Variants in PTPRD observed in about 807,000 individuals in gnomAD.
PTPRD encodes receptor-type tyrosine-protein phosphatase delta.
A neutral mutation model predicts 214.5 loss-of-function variants in PTPRD; 34 were observed. The observed-to-expected ratio is 0.16, with a 90% CI of 0.12 to 0.21. The LOEUF (loss-of-function observed/expected upper bound fraction) is 0.21. Ranked by LOEUF, PTPRD falls within the 10% of genes least tolerant of loss-of-function variation. The pLI is 1.00. For missense variants in PTPRD, 2,545 were observed against 2,398.7 expected (o/e 1.06, Z -1.27); for synonymous variants, 1,128 against 845.7 (o/e 1.33, Z -5.79).
chr9:10,430,395 C>A (rs547097717), intron 2 of PTPRD, among the ~76,000 whole-genome samples: 1 of 151,822 alleles, frequency 6.6e-6, no homozygotes, highest in South Asian at 2.1e-4. Context: ...AATTACTTTA[C>A]GCGTGTGAGT....
intron 2 of PTPRD, among the ~76,000 whole-genome samples, chr9:10,454,108 GA>G (rs150951740): frequency 6.6e-6 from 1 of 151,246 alleles, no homozygotes; most frequent in Admixed American, 6.6e-5. Flanking sequence ...CTGTTTCTAT[GA>G]AAAAAATAGC....
intron 7 of PTPRD, among the ~76,000 whole-genome samples, chr9:9,730,623 T>A (rs2098172311): frequency 6.6e-6 from 1 of 152,084 alleles, no homozygotes; most frequent in Admixed American, 6.6e-5. Flanking sequence ...ACTACTCAAA[T>A]ATATGTAGAA....
intron 11 of PTPRD, among the ~76,000 whole-genome samples, chr9:8,910,949 A>G (rs1019446740): frequency 1.3e-5 from 2 of 152,212 alleles, no homozygotes; most frequent in Admixed American, 1.3e-4. Context: ...GATATTAAGA[A>G]CATATAAATT....
intron 8 of PTPRD, among the ~76,000 whole-genome samples, chr9:9,558,149 G>C (rs78671883): frequency 0.014 from 2,120 of 152,144 alleles, 12 homozygotes; most frequent in Non-Finnish European, 0.022. Context: ...GGGTGCCAGC[G>C]CGCCCACCAT....
At chr9:9,432,652 G>C (rs778608404) in intron 8 of PTPRD, among the ~76,000 whole-genome samples, 1 of 152,144 alleles carries the variant, frequency 6.6e-6, no homozygotes, top group Non-Finnish European at 1.5e-5. Context: ...AAAATGCTTT[G>C]TTCAAACAGA....
At chr9:8,579,562 T>C (rs915259079) in intron 14 of PTPRD, among the ~76,000 whole-genome samples, 75 of 152,300 alleles carry the variant, frequency 4.9e-4, no homozygotes, top group African/African-American at 1.7e-3. Flanking sequence ...AAACCCACAG[T>C]GCCTGTCATA....
At chr9:8,713,869 C>T in intron 12 of PTPRD, 1 of 1,177,146 alleles carries the variant, frequency 8.5e-7, no homozygotes, top group Non-Finnish European at 1.2e-6. Context: ...GGGTGCGCCC[C>T]AAATAAACTC....
chr9:9,377,189 T>C (rs966209499), intron 9 of PTPRD, among the ~76,000 whole-genome samples: 1 of 152,090 alleles, frequency 6.6e-6, no homozygotes, highest in Admixed American at 6.6e-5. Flanking sequence ...TGTATGCAAA[T>C]ACATGTCCAT....
chr9:10,390,111 CT>C (rs1305655943), intron 2 of PTPRD, among the ~76,000 whole-genome samples: 4 of 151,886 alleles, frequency 2.6e-5, no homozygotes, highest in Admixed American at 2.0e-4. Context: ...ATATTGTGTA[CT>C]GTAAGGACAC....
In PTPRD at chr9:9,872,012, T is replaced by C. The variant is rs1330146099; in HGVS notation, c.-368+66495A>G. On this transcript the variant is annotated intron_variant, in intron 5 of 45. Coordinates refer to ENST00000381196, the MANE Select transcript of PTPRD (RefSeq NM_002839.4). ...CTCACCACAAATTCAAGAGTAAGCATTAGTATCCTCCTGACTTGACAATAG... is the reference window on the plus strand; with the variant it reads ...CTCACCACAAATTCAAGAGTAAGCACTAGTATCCTCCTGACTTGACAATAG... Among the ~76,000 whole-genome samples the C allele has an allele frequency of 5.9e-5, 9 of 152,258 alleles. No homozygotes were observed. The East Asian group carries it at 1.7e-3, about 29-fold the overall frequency.
intron 9 of PTPRD, among the ~76,000 whole-genome samples, chr9:9,260,696 GAA>G (rs1357910148): frequency 6.6e-6 from 1 of 151,832 alleles, no homozygotes; most frequent in Admixed American, 6.6e-5. Context: ...GATAGACAAA[GAA>G]ATATTTATTG....
intron 4 of PTPRD, among the ~76,000 whole-genome samples, chr9:9,957,073 T>C (rs1168663747): frequency 1.3e-5 from 2 of 152,126 alleles, no homozygotes; most frequent in African/African-American, 2.4e-5. Flanking sequence ...ATGGAGAACA[T>C]ACAACTAATT....
chr9:9,486,126 G>T (rs1306110622), intron 8 of PTPRD, among the ~76,000 whole-genome samples: 1 of 109,976 alleles, frequency 9.1e-6, no homozygotes, highest in Non-Finnish European at 1.7e-5. Flanking sequence ...ACTCCAGTCT[G>T]GGCAACAGAG....
intron 2 of PTPRD, among the ~76,000 whole-genome samples, chr9:10,404,354 A>G (rs982048673): frequency 2.6e-5 from 4 of 151,768 alleles, no homozygotes; most frequent in African/African-American, 9.7e-5. Flanking sequence ...TTTGAGAGAA[A>G]GTTCAAAACT....
intron 11 of PTPRD, among the ~76,000 whole-genome samples, chr9:8,970,114 T>A (rs1450892824): frequency 1.3e-5 from 2 of 151,942 alleles, no homozygotes; most frequent in African/African-American, 4.8e-5. Flanking sequence ...GTGTTCAGTT[T>A]ATAACTAGAA....
chr9:8,751,431 A>AT (rs2093522194), intron 11 of PTPRD, among the ~76,000 whole-genome samples: 2 of 151,274 alleles, frequency 1.3e-5, no homozygotes, highest in African/African-American at 4.9e-5. Flanking sequence ...AAAAAAAAAT[A>AT]TTTTTAGGTT....
intron 7 of PTPRD, among the ~76,000 whole-genome samples, chr9:9,617,772 T>G (rs1335077319): frequency 3.3e-5 from 5 of 151,922 alleles, no homozygotes; most frequent in Admixed American, 6.6e-5. Context: ...CTTGACTTTT[T>G]TTAAGAAATA....
chr9:10,010,987 T>C (rs1237680156), intron 4 of PTPRD, among the ~76,000 whole-genome samples: 2 of 151,912 alleles, frequency 1.3e-5, no homozygotes, highest in Non-Finnish European at 2.9e-5. Flanking sequence ...ACCAAAGTAT[T>C]TCATCTGGTT....
chr9:8,963,165 T>C lies in PTPRD; in HGVS notation c.-104+55532A>G, dbSNP rs551057579. The C allele has an allele frequency of 3.9e-5, 6 of 152,208 alleles. No homozygotes were observed. In the South Asian group the frequency reaches 1.2e-3, roughly 32 times the overall value. The allele number at this position is 152,208 out of a possible 1,614,324, so 9.4% of individuals were successfully genotyped here. Reference sequence around the variant, plus strand: ...AATGCATAAAATATGATTCCATTCATTTACAGTATAAAAAAGGAAAACTGA... The same window carrying C: ...AATGCATAAAATATGATTCCATTCACTTACAGTATAAAAAAGGAAAACTGA... On this transcript the variant is annotated intron_variant, in intron 11 of 45. Transcript: ENST00000381196.
Sources: gnomAD v4.1 joint callset for allele counts (sites outside exome capture counted in the v4.1 genomes callset) on GRCh38, gnomAD v4.1.1 for gene constraint, MANE v1.5 for transcripts, NCBI Gene and HGNC (gene_info 2026-07-23, HGNC 2026-07-21) for gene names.